The following SCHIP1 variants were observed in gnomAD, a reference collection of about 807,000 sequenced individuals.
SCHIP1 encodes the protein schwannomin-interacting protein 1.
A neutral mutation model predicts 29.7 loss-of-function variants in SCHIP1; 8 were observed. The observed-to-expected ratio is 0.27, with a 90% CI of 0.16 to 0.49. The LOEUF (loss-of-function observed/expected upper bound fraction) is 0.49, where lower values mean the gene tolerates loss of function less well. Ranked by LOEUF, SCHIP1 falls within the 20% of genes least tolerant of loss-of-function variation. The probability of loss-of-function intolerance (pLI) is 0.99; values close to 1 mark genes in which losing one functional copy is unlikely to be tolerated. For missense variants in SCHIP1, 193 were observed against 294.6 expected (o/e 0.66, Z 2.52); for synonymous variants, 76 against 94.9 (o/e 0.80, Z 1.16).
At chr3:159,311,084 C>T in the SCHIP1 span, among the ~76,000 whole-genome samples, 1 of 152,060 alleles carries the variant, frequency 6.6e-6, no homozygotes, top group African/African-American at 2.4e-5. Context: ...CTCTCCTTTC[C>T]TAAAGGGAAG....
the SCHIP1 span, among the ~76,000 whole-genome samples, chr3:159,827,783 G>T: frequency 2.0e-5 from 3 of 150,414 alleles, no homozygotes. Context: ...CCGCAGTCCG[G>T]CTTGGGCGAC....
At chr3:159,807,112 C>T in the SCHIP1 span, among the ~76,000 whole-genome samples, 7 of 152,288 alleles carry the variant, frequency 4.6e-5, no homozygotes, top group South Asian at 1.2e-3. Flanking sequence ...GCTTCAGAGT[C>T]CTTCTTTGGG....
At chr3:159,876,434 A>G (rs1353881677) in intron 2 of SCHIP1, among the ~76,000 whole-genome samples, 1 of 152,182 alleles carries the variant, frequency 6.6e-6, no homozygotes, top group African/African-American at 2.4e-5. Flanking sequence ...AAAATAGGGT[A>G]ATAATTGTGC....
the SCHIP1 span, among the ~76,000 whole-genome samples, chr3:159,679,454 T>C: frequency 0.025 from 3,845 of 152,312 alleles, 192 homozygotes; most frequent in African/African-American, 0.089. Context: ...TGGGAATTTC[T>C]ATCCATCATA....
chr3:159,626,158 A>C, the SCHIP1 span, among the ~76,000 whole-genome samples: 17 of 121,964 alleles, frequency 1.4e-4, 2 homozygotes, highest in East Asian at 4.6e-4. Flanking sequence ...ATATATATAT[A>C]TATCTAGATA....
the SCHIP1 span, among the ~76,000 whole-genome samples, chr3:159,626,399 T>C: frequency 2.1e-4 from 32 of 151,834 alleles, no homozygotes; most frequent in Non-Finnish European, 2.9e-4. Flanking sequence ...CCTCAGGGGC[T>C]ATATCACTTA....
the SCHIP1 span, among the ~76,000 whole-genome samples, chr3:159,408,354 A>G: frequency 6.6e-6 from 1 of 151,742 alleles, no homozygotes; most frequent in East Asian, 1.9e-4. Context: ...AATGAAGAAA[A>G]CACCACAAAA....
At chr3:159,445,463 G>C in the SCHIP1 span, among the ~76,000 whole-genome samples, 2 of 151,774 alleles carry the variant, frequency 1.3e-5, no homozygotes, top group Admixed American at 6.6e-5. Flanking sequence ...GTGGAAGTCA[G>C]TGTGGCGATT....
At chr3:159,297,829 G>T in the SCHIP1 span, among the ~76,000 whole-genome samples, 5 of 152,102 alleles carry the variant, frequency 3.3e-5, no homozygotes, top group South Asian at 1.0e-3. Context: ...ACTCCATCAG[G>T]TCTTTGCTCA....
the SCHIP1 span, among the ~76,000 whole-genome samples, chr3:159,799,697 T>C: frequency 6.6e-6 from 1 of 152,086 alleles, no homozygotes; most frequent in Non-Finnish European, 1.5e-5. Flanking sequence ...TGCCATACAG[T>C]CTGGTGGGAG....
chr3:159,314,103 A>G, the SCHIP1 span, among the ~76,000 whole-genome samples: 1 of 152,192 alleles, frequency 6.6e-6, no homozygotes, highest in Non-Finnish European at 1.5e-5. Flanking sequence ...TGTAATTAAT[A>G]GATATTCAGG....
the SCHIP1 span, among the ~76,000 whole-genome samples, chr3:159,704,896 CTTTCTTTCTTTATTTCTTTCTTTCT>C: frequency 1.3e-5 from 1 of 74,164 alleles, no homozygotes; most frequent in African/African-American, 9.3e-5. Context: ...TTCTTTCTTT[CTTTCTTTCTTTATTTCTTTCTTTCT>C]TTCTTTCTTT....
the SCHIP1 span, among the ~76,000 whole-genome samples, chr3:159,351,940 A>G: frequency 1.3e-5 from 2 of 152,214 alleles, no homozygotes; most frequent in South Asian, 4.1e-4. Context: ...CCACCAGTAT[A>G]TTGGGCAATT....
At chr3:159,516,016 G>A in the SCHIP1 span, among the ~76,000 whole-genome samples, 1 of 152,030 alleles carries the variant, frequency 6.6e-6, no homozygotes, top group Non-Finnish European at 1.5e-5. Context: ...GGATAGGGGA[G>A]TGAGGAATGA....
At chr3:159,751,736 TG>T in the SCHIP1 span, among the ~76,000 whole-genome samples, 1 of 151,868 alleles carries the variant, frequency 6.6e-6, no homozygotes, top group Non-Finnish European at 1.5e-5. Context: ...TTAGTAGAGA[TG>T]GGGTTTCACA....
chr3:159,513,526 G>A, the SCHIP1 span, among the ~76,000 whole-genome samples: 7 of 152,226 alleles, frequency 4.6e-5, no homozygotes, highest in South Asian at 1.5e-3. Context: ...TAGATTAAGT[G>A]TCTTTCCTGA....
the SCHIP1 span, among the ~76,000 whole-genome samples, chr3:159,407,332 G>A: frequency 6.6e-6 from 1 of 152,050 alleles, no homozygotes; most frequent in Non-Finnish European, 1.5e-5. Context: ...TTCAGCAAGA[G>A]GATATATCAA....
the SCHIP1 span, among the ~76,000 whole-genome samples, chr3:159,300,620 C>A: frequency 7.9e-5 from 12 of 152,272 alleles, no homozygotes; most frequent in African/African-American, 2.4e-4. Context: ...GGAGTTACAT[C>A]AAAATTCAGA....
At chr3:159,373,791 A>G in the SCHIP1 span, among the ~76,000 whole-genome samples, 2 of 152,090 alleles carry the variant, frequency 1.3e-5, no homozygotes, top group Non-Finnish European at 2.9e-5. Flanking sequence ...ATGTATATAC[A>G]CACACACACC....
Sources: gnomAD v4.1 joint callset for allele counts (sites outside exome capture counted in the v4.1 genomes callset) on GRCh38, gnomAD v4.1.1 for gene constraint, MANE v1.5 for transcripts, NCBI Gene and HGNC (gene_info 2026-07-23, HGNC 2026-07-21) for gene names.